LARS2: variants seen among roughly 807,000 people sequenced by gnomAD.
LARS2 encodes leucyl-tRNA synthetase 2, mitochondrial.
A neutral mutation model predicts 116.6 loss-of-function variants in LARS2; 81 were observed. The observed-to-expected ratio is 0.69, with a 90% CI of 0.58 to 0.84. LARS2 has a LOEUF of 0.84. Ranked by LOEUF, LARS2 falls within the 40% of genes least tolerant of loss-of-function variation. The probability of loss-of-function intolerance (pLI) is 0.00; values close to 1 mark genes in which losing one functional copy is unlikely to be tolerated. For missense variants in LARS2, 968 were observed against 1,114.5 expected (o/e 0.87, Z 1.87); for synonymous variants, 396 against 407.2 (o/e 0.97, Z 0.33).
Position 45,506,779 on chromosome 3 carries a change from C to G in LARS2, c.1760+6200C>G, listed in dbSNP as rs560557874. The G allele has an allele frequency of 2.0e-5, 3 of 152,142 alleles. No homozygotes were observed. In the South Asian group the frequency reaches 6.2e-4, roughly 32 times the overall value. 9.4% of individuals were successfully genotyped at this position (152,142 alleles called of 1,614,324 possible). A position where few individuals can be genotyped will look rare whatever the true frequency, so the allele number is the denominator to read the frequency against. On this transcript the variant is annotated intron_variant, in intron 15 of 21. Coordinates refer to ENST00000645846, the MANE Select transcript of LARS2 (RefSeq NM_015340.4). ...TCTGAGCACTCTTTTCACTCTGATT[C>G]TAATTTCTTCAAATACAGACAGCAA...
intron 16 of LARS2, among the ~76,000 whole-genome samples, chr3:45,514,403 C>T (rs967447473): frequency 1.3e-5 from 2 of 152,112 alleles, no homozygotes; most frequent in African/African-American, 4.8e-5. Context: ...GGGAAGCAGT[C>T]GATGCAATTA....
chr3:45,484,650 T>TATATATATATATATATATAA (rs1442332816), intron 10 of LARS2, among the ~76,000 whole-genome samples: 1 of 96,990 alleles, frequency 1.0e-5, no homozygotes, highest in Admixed American at 1.3e-4. Context: ...TATATATATT[T>TATATATATATATATATATAA]AAAATAAGAT....
At chr3:45,515,851 G>A (rs1050291980) in intron 16 of LARS2, among the ~76,000 whole-genome samples, 3 of 152,224 alleles carry the variant, frequency 2.0e-5, no homozygotes, top group East Asian at 3.8e-4. Context: ...GCTGGCACAG[G>A]CCATTATAAC....
chr3:45,500,667 G>A (rs921203915), intron 15 of LARS2, 88 bp downstream of exon 15: 4 of 977,038 alleles, frequency 4.1e-6, no homozygotes, highest in African/African-American at 1.7e-5. Context: ...CAAGGTAAAT[G>A]CATGTAGTAG....
intron 9 of LARS2, 68 bp downstream of exon 9, chr3:45,474,418 G>A (rs1305240988): frequency 2.0e-6 from 2 of 1,020,368 alleles, no homozygotes; most frequent in African/African-American, 3.1e-5. Flanking sequence ...GACTCACTGA[G>A]TAAACCAGCA....
At chr3:45,524,238 C>A (rs1351059868) in intron 20 of LARS2, 130 bp downstream of exon 20, 2 of 624,666 alleles carry the variant, frequency 3.2e-6, no homozygotes, top group Non-Finnish European at 2.9e-6. Context: ...TACTCAGCAA[C>A]CTCTCTGTCC....
chr3:45,530,567 C>G (rs1288649267), intron 20 of LARS2, among the ~76,000 whole-genome samples: 1 of 152,176 alleles, frequency 6.6e-6, no homozygotes, highest in Non-Finnish European at 1.5e-5. Context: ...CTTAGTGTGT[C>G]TAACATTTCA....
intron 12 of LARS2, 61 bp downstream of exon 12, chr3:45,488,873 TC>T (rs1228435995): frequency 9.3e-7 from 1 of 1,080,222 alleles, no homozygotes; most frequent in East Asian, 2.4e-5. Flanking sequence ...ATAGACATTT[TC>T]CTTCAGGTGC....
At chr3:45,527,328 T>G (rs1274225171) in intron 20 of LARS2, among the ~76,000 whole-genome samples, 1 of 152,114 alleles carries the variant, frequency 6.6e-6, no homozygotes, top group African/African-American at 2.4e-5. Context: ...TTGGGTATCT[T>G]AAGAAATCTT....
At position 45,547,599 on chromosome 3, in the gene LARS2, G is replaced by A. The variant is rs937296866; in HGVS notation, c.*69G>A. Reference sequence around the variant, plus strand: ...CCTTCCAGGCCTGGGATGAGGGGGCGATGTCTGCTGGCCCAGGGGAAGGGA... The same window carrying A: ...CCTTCCAGGCCTGGGATGAGGGGGCAATGTCTGCTGGCCCAGGGGAAGGGA... On this transcript the variant is annotated 3_prime_UTR_variant, in exon 22 of 22. Coordinates refer to ENST00000645846, the MANE Select transcript of LARS2 (RefSeq NM_015340.4). 1.0e-5 allele frequency: 14 copies of A among 1,375,024 alleles called. No individual in the cohort carries two copies. The Admixed American group carries it at 1.7e-4, about 17-fold the overall frequency. 85.2% of individuals were successfully genotyped at this position (1,375,024 alleles called of 1,614,324 possible). A position where few individuals can be genotyped will look rare whatever the true frequency, so the allele number is the denominator to read the frequency against.
chr3:45,502,954 G>C (rs1361962273), intron 15 of LARS2, among the ~76,000 whole-genome samples: 1 of 151,908 alleles, frequency 6.6e-6, no homozygotes, highest in Non-Finnish European at 1.5e-5. Flanking sequence ...TTATGGGTCT[G>C]TTTAGTCATT....
At chr3:45,541,797 T>G (rs1354665769) in intron 20 of LARS2, 32 bp from the exon 21 acceptor site, 1 of 1,612,170 alleles carries the variant, frequency 6.2e-7, no homozygotes, top group Non-Finnish European at 8.5e-7. Context: ...GTTCTTAGAG[T>G]GACCCCACGC....
intron 8 of LARS2, among the ~76,000 whole-genome samples, chr3:45,472,210 A>G (rs1275959347): frequency 1.3e-5 from 2 of 152,238 alleles, no homozygotes; most frequent in African/African-American, 4.8e-5. Flanking sequence ...CATTGGTACC[A>G]GCATCTCCAG....
intron 6 of LARS2, among the ~76,000 whole-genome samples, chr3:45,435,996 T>C (rs1698794485): frequency 6.6e-6 from 1 of 152,238 alleles, no homozygotes; most frequent in Non-Finnish European, 1.5e-5. Context: ...TAAAAATCAC[T>C]GGACTCTCAA....
At chr3:45,406,948 C>T (rs917344791) in intron 4 of LARS2, among the ~76,000 whole-genome samples, 27 of 152,088 alleles carry the variant, frequency 1.8e-4, no homozygotes, top group African/African-American at 6.5e-4. Flanking sequence ...AAATAAAATT[C>T]CCCACCTCCC....
intron 6 of LARS2, among the ~76,000 whole-genome samples, chr3:45,433,902 A>G (rs980188638): frequency 1.3e-5 from 2 of 152,174 alleles, no homozygotes; most frequent in Admixed American, 6.5e-5. Flanking sequence ...TTCTTTTAGT[A>G]CTTGAAAAAT....
chr3:45,524,863 A>C (rs1700510485), intron 20 of LARS2, among the ~76,000 whole-genome samples: 1 of 152,252 alleles, frequency 6.6e-6, no homozygotes, highest in South Asian at 2.1e-4. Context: ...TTAGTTGAGC[A>C]AACCACGAGT....
chr3:45,522,375 A>G (rs1382719620), intron 19 of LARS2, among the ~76,000 whole-genome samples: 1 of 152,204 alleles, frequency 6.6e-6, no homozygotes, highest in East Asian at 1.9e-4. Flanking sequence ...ACCACCATTA[A>G]CCTCATGTCT....
At chr3:45,395,522 T>G (rs1234763510) in intron 3 of LARS2, among the ~76,000 whole-genome samples, 1 of 152,236 alleles carries the variant, frequency 6.6e-6, no homozygotes, top group Non-Finnish European at 1.5e-5. Context: ...GATTGTTACA[T>G]GAAATGTTTG....
Sources: allele counts gnomAD v4.1 joint callset (sites outside exome capture counted in the v4.1 genomes callset), GRCh38; gene constraint gnomAD v4.1.1; transcripts MANE v1.5; gene names NCBI Gene and HGNC (gene_info 2026-07-23, HGNC 2026-07-21).